The following MME variants were observed in gnomAD, a reference collection of about 807,000 sequenced individuals.
The protein encoded by MME is neprilysin.
In MME, 98 loss-of-function variants were observed where a neutral mutation model predicts 113.2. That is an observed-to-expected ratio of 0.87 (90% confidence interval 0.74 to 1.02). The LOEUF (loss-of-function observed/expected upper bound fraction) is 1.02. Among genes scored for constraint, MME ranks in the 50% least tolerant of loss-of-function variants. The probability of loss-of-function intolerance (pLI) is 0.00; values close to 1 mark genes in which losing one functional copy is unlikely to be tolerated. For missense variants in MME, 836 were observed against 896.0 expected (o/e 0.93, Z 0.86); for synonymous variants, 292 against 300.6 (o/e 0.97, Z 0.30).
chr3:155,166,691 GGTT>G (rs1289440809), intron 17 of MME, among the ~76,000 whole-genome samples: 2 of 152,132 alleles, frequency 1.3e-5, no homozygotes, highest in Admixed American at 1.3e-4. Context: ...TATTACAGAA[GGTT>G]TTTGTATATA....
chr3:155,125,175 G>A (rs1275692616), intron 8 of MME, among the ~76,000 whole-genome samples: 4 of 148,382 alleles, frequency 2.7e-5, no homozygotes, highest in African/African-American at 4.9e-5. Context: ...GGAGTGACCC[G>A]ATTTTCCAGG....
chr3:155,136,945 G>A (rs1042488402), intron 8 of MME, among the ~76,000 whole-genome samples: 31 of 152,090 alleles, frequency 2.0e-4, no homozygotes, highest in Non-Finnish European at 1.6e-4. Flanking sequence ...AGGTGGAATC[G>A]TAATGTATTT....
chr3:155,113,361 C>G (rs1461307767), intron 3 of MME, among the ~76,000 whole-genome samples: 1 of 152,176 alleles, frequency 6.6e-6, no homozygotes, highest in Non-Finnish European at 1.5e-5. Context: ...TTCACTGCAA[C>G]CTCCACCTCC....
chr3:155,055,100 G>A (rs57231033), intron 1 of MME, among the ~76,000 whole-genome samples: 8,071 of 152,136 alleles, frequency 0.053, 623 homozygotes, highest in African/African-American at 0.17. Context: ...GTATTTATGT[G>A]TTCACAAAAA....
intron 1 of MME, among the ~76,000 whole-genome samples, chr3:155,043,687 A>G (rs1057226942): frequency 6.6e-6 from 1 of 152,050 alleles, no homozygotes; most frequent in African/African-American, 2.4e-5. Context: ...TTAATTTCCC[A>G]TAAATAGTTG....
intron 22 of MME, among the ~76,000 whole-genome samples, chr3:155,174,957 A>G (rs1712376090): frequency 6.6e-6 from 1 of 152,092 alleles, no homozygotes. Flanking sequence ...AATACCTAGT[A>G]TATCTACCAT....
chr3:155,049,146 T>A (rs938999055), intron 1 of MME, among the ~76,000 whole-genome samples: 3 of 152,120 alleles, frequency 2.0e-5, no homozygotes, highest in African/African-American at 7.2e-5. Context: ...GTATGTATAG[T>A]GAATTGAATA....
chr3:155,094,476 C>G (rs1360490996), intron 3 of MME, among the ~76,000 whole-genome samples: 1 of 152,010 alleles, frequency 6.6e-6, no homozygotes, highest in African/African-American at 2.4e-5. Flanking sequence ...ATTGCAAATG[C>G]ACTATTTAAA....
chr3:155,132,689 C>T (rs1260503661), intron 8 of MME, among the ~76,000 whole-genome samples: 1 of 152,032 alleles, frequency 6.6e-6, no homozygotes, highest in East Asian at 1.9e-4. Flanking sequence ...ATTGCTCTCT[C>T]AGTCACACAC....
intron 20 of MME, among the ~76,000 whole-genome samples, chr3:155,169,706 T>C (rs901556576): frequency 1.3e-5 from 2 of 152,200 alleles, no homozygotes; most frequent in African/African-American, 4.8e-5. Context: ...GTTCCTAGGC[T>C]AGAACTAGGC....
At chr3:155,147,112 C>A in intron 14 of MME, 32 bp from the exon 15 acceptor site, 1 of 1,335,516 alleles carries the variant, frequency 7.5e-7, no homozygotes, top group Non-Finnish European at 1.1e-6. Context: ...GTTATATAAT[C>A]ATCTTCACAT....
chr3:155,138,307 A>G (rs1342218079), intron 9 of MME, 71 bp downstream of exon 9: 1 of 1,487,596 alleles, frequency 6.7e-7, no homozygotes, highest in African/African-American at 1.4e-5. Flanking sequence ...TCTCTATCAT[A>G]CTTTAAGAGT....
intron 6 of MME, 49 bp downstream of exon 6, chr3:155,116,808 TTATAA>T (rs767569527): frequency 4.5e-6 from 7 of 1,568,032 alleles, no homozygotes; most frequent in Non-Finnish European, 6.1e-6. Context: ...AAAATCTATG[TTATAA>T]TATCATTAGT....
intron 3 of MME, among the ~76,000 whole-genome samples, chr3:155,096,966 G>A (rs553301925): frequency 6.6e-6 from 1 of 152,258 alleles, no homozygotes; most frequent in Non-Finnish European, 1.5e-5. Context: ...ATATTTACTG[G>A]GAAGTAGAAT....
chr3:155,118,916 T>C, intron 8 of MME, 105 bp downstream of exon 8: 1 of 765,874 alleles, frequency 1.3e-6, no homozygotes, highest in Non-Finnish European at 2.3e-6. Flanking sequence ...CTCTGATGTT[T>C]TTCATTCATG....
At chr3:155,046,563 A>G (rs1713568364) in intron 1 of MME, among the ~76,000 whole-genome samples, 1 of 152,078 alleles carries the variant, frequency 6.6e-6, no homozygotes, top group African/African-American at 2.4e-5. Flanking sequence ...GGTGGTGGGC[A>G]CCTGTAATCC....
intron 1 of MME, among the ~76,000 whole-genome samples, chr3:155,042,940 G>GTATATATATATATATATATATGTATA (rs57585504): frequency 2.7e-3 from 145 of 53,522 alleles, no homozygotes; most frequent in South Asian, 4.1e-3. Context: ...ATATATATAT[G>GTATATATATATATATATATATGTATA]TATATATATA....
chr3:155,119,363 C>T (rs1205566858), intron 8 of MME, among the ~76,000 whole-genome samples: 1 of 149,328 alleles, frequency 6.7e-6, no homozygotes, highest in Non-Finnish European at 1.5e-5. Context: ...GGAGTGCTTT[C>T]TTATTGTCTC....
At chr3:155,041,930 A>G (rs1385931898) in intron 1 of MME, among the ~76,000 whole-genome samples, 1 of 152,204 alleles carries the variant, frequency 6.6e-6, no homozygotes, top group Non-Finnish European at 1.5e-5. Flanking sequence ...TAATATCTCA[A>G]ATCTGGGAAG....
Sources: allele counts gnomAD v4.1 joint callset (sites outside exome capture counted in the v4.1 genomes callset), GRCh38; gene constraint gnomAD v4.1.1; transcripts MANE v1.5; gene names NCBI Gene and HGNC (gene_info 2026-07-23, HGNC 2026-07-21).